PTPRM: variants seen among roughly 807,000 people sequenced by gnomAD.
PTPRM encodes protein tyrosine phosphatase receptor type M, also known as receptor-type tyrosine-protein phosphatase mu.
A neutral mutation model predicts 186.7 loss-of-function variants in PTPRM; 47 were observed. The observed-to-expected ratio is 0.25, with a 90% CI of 0.20 to 0.32. The LOEUF is 0.32. Ranked by LOEUF, PTPRM falls within the 10% of genes least tolerant of loss-of-function variation. PTPRM has a pLI of 1.00. For missense variants in PTPRM, 1,494 were observed against 1,865.0 expected (o/e 0.80, Z 3.66); for synonymous variants, 668 against 674.9 (o/e 0.99, Z 0.16).
intron 2 of PTPRM, among the ~76,000 whole-genome samples, chr18:7,782,957 A>G (rs1861128050): frequency 6.6e-6 from 1 of 152,214 alleles, no homozygotes; most frequent in African/African-American, 2.4e-5. Flanking sequence ...ACAAAAAGTA[A>G]GAATAGTGGC....
At chr18:8,196,437 A>G (rs543066768) in intron 14 of PTPRM, among the ~76,000 whole-genome samples, 9 of 152,298 alleles carry the variant, frequency 5.9e-5, no homozygotes, top group African/African-American at 2.2e-4. Flanking sequence ...GGAAAGTGCT[A>G]TGCCAATACA....
chr18:7,951,599 G>A (rs958392901), intron 6 of PTPRM, among the ~76,000 whole-genome samples: 3 of 152,104 alleles, frequency 2.0e-5, no homozygotes, highest in African/African-American at 7.2e-5. Flanking sequence ...GGCTCACTGT[G>A]ATAAAAATTA....
chr18:8,142,611 G>A (rs1294396697), intron 13 of PTPRM, among the ~76,000 whole-genome samples: 1 of 152,024 alleles, frequency 6.6e-6, no homozygotes, highest in African/African-American at 2.4e-5. Flanking sequence ...ATGACAGAGT[G>A]GAAAGAGCTG....
chr18:8,319,461 G>A (rs1372188552), intron 22 of PTPRM, among the ~76,000 whole-genome samples: 2 of 152,220 alleles, frequency 1.3e-5, no homozygotes, highest in African/African-American at 4.8e-5. Flanking sequence ...GTCTACCTTA[G>A]GAGTAAGTTG....
intron 14 of PTPRM, 144 bp downstream of exon 14, chr18:8,143,923 A>T (rs909661618): frequency 1.8e-6 from 2 of 1,138,600 alleles, no homozygotes; most frequent in African/African-American, 3.1e-5. Context: ...ATTTTTCATC[A>T]TGTGGCATGG....
At chr18:7,885,630 A>G (rs920887908) in intron 2 of PTPRM, among the ~76,000 whole-genome samples, 1 of 152,186 alleles carries the variant, frequency 6.6e-6, no homozygotes, top group African/African-American at 2.4e-5. Context: ...GCATGCCTCA[A>G]AGCAAAATAG....
In PTPRM at chr18:7,715,209, G is replaced by A. The variant is rs59810840; in HGVS notation, c.74-58940G>A. Among the ~76,000 whole-genome samples, 454 of 152,134 alleles carry A rather than the reference G, an allele frequency of 3.0e-3. 1 individual carries two copies. Among genetic ancestry groups the A allele is most frequent in the Middle Eastern group, 0.017 (5 of 294 alleles). The stretch of plus-strand genomic sequence containing the variant: ...GTTGCAAGGCTGGTTCAACATACAC[G>A]AATCAATAAACGTAATCCATTACAT... On this transcript the variant is annotated intron_variant, in intron 1 of 32. Coordinates refer to ENST00000580170, the MANE Select transcript of PTPRM (RefSeq NM_001105244.2).
intron 2 of PTPRM, among the ~76,000 whole-genome samples, chr18:7,820,938 C>G (rs1568177649): frequency 1.3e-5 from 2 of 152,172 alleles, no homozygotes; most frequent in Non-Finnish European, 2.9e-5. Context: ...TCTGCTGGCT[C>G]CCACCTGCCT....
At chr18:8,138,644 G>A (rs1316103488) in intron 13 of PTPRM, among the ~76,000 whole-genome samples, 1 of 152,152 alleles carries the variant, frequency 6.6e-6, no homozygotes, top group Non-Finnish European at 1.5e-5. Flanking sequence ...CCAAGAGCCT[G>A]TGCATTGCTG....
chr18:7,909,003 T>G (rs1400812013), intron 4 of PTPRM, among the ~76,000 whole-genome samples: 1 of 152,342 alleles, frequency 6.6e-6, no homozygotes, highest in East Asian at 1.9e-4. Context: ...CCTCCCTGTT[T>G]CTTAGAGCAG....
At chr18:7,599,273 G>A (rs2065313585) in intron 1 of PTPRM, among the ~76,000 whole-genome samples, 1 of 152,040 alleles carries the variant, frequency 6.6e-6, no homozygotes, top group Non-Finnish European at 1.5e-5. Flanking sequence ...ATTACTACGG[G>A]GCAATTTTCA....
At chr18:8,001,525 A>C (rs2083871265) in intron 7 of PTPRM, among the ~76,000 whole-genome samples, 1 of 151,986 alleles carries the variant, frequency 6.6e-6, no homozygotes, top group Non-Finnish European at 1.5e-5. Context: ...CAACTGGATG[A>C]AAGGTTTGTT....
intron 14 of PTPRM, among the ~76,000 whole-genome samples, chr18:8,229,973 T>C (rs1459312982): frequency 1.3e-5 from 2 of 152,228 alleles, no homozygotes; most frequent in Non-Finnish European, 2.9e-5. Context: ...GTGGTGTTGT[T>C]ACCACTAGGT....
At chr18:8,254,705 C>T (rs1279551664) in intron 19 of PTPRM, among the ~76,000 whole-genome samples, 2 of 152,194 alleles carry the variant, frequency 1.3e-5, no homozygotes, top group African/African-American at 4.8e-5. Context: ...TTTTATGCCC[C>T]AGACACTGCA....
chr18:8,172,710 GAAAA>G (rs757024993), intron 14 of PTPRM, among the ~76,000 whole-genome samples: 8 of 142,082 alleles, frequency 5.6e-5, no homozygotes, highest in African/African-American at 2.1e-4. Context: ...AAAAAAAAAA[GAAAA>G]AAAAAACTTC....
intron 32 of PTPRM, among the ~76,000 whole-genome samples, chr18:8,400,279 C>G (rs953836663): frequency 6.6e-6 from 1 of 152,206 alleles, no homozygotes; most frequent in African/African-American, 2.4e-5. Context: ...GAGACTGATT[C>G]GATTGGTCAG....
At chr18:7,925,352 T>C (rs1160348496) in intron 4 of PTPRM, among the ~76,000 whole-genome samples, 2 of 152,184 alleles carry the variant, frequency 1.3e-5, no homozygotes, top group Non-Finnish European at 2.9e-5. Flanking sequence ...CATGAATACT[T>C]TGTCTGAATT....
At chr18:7,676,989 T>C (rs1322149192) in intron 1 of PTPRM, among the ~76,000 whole-genome samples, 1 of 152,176 alleles carries the variant, frequency 6.6e-6, no homozygotes, top group Non-Finnish European at 1.5e-5. Flanking sequence ...CGATAAAAAT[T>C]ATTTGGGAAT....
intron 1 of PTPRM, among the ~76,000 whole-genome samples, chr18:7,574,578 T>G (rs554703935): frequency 6.6e-6 from 1 of 152,326 alleles, no homozygotes; most frequent in East Asian, 1.9e-4. Flanking sequence ...CTTTGAGAAG[T>G]TATTCATTTA....
Sources: allele counts gnomAD v4.1 joint callset (sites outside exome capture counted in the v4.1 genomes callset), GRCh38; gene constraint gnomAD v4.1.1; transcripts MANE v1.5; gene names NCBI Gene and HGNC (gene_info 2026-07-23, HGNC 2026-07-21).